DYNLT2: variants seen among roughly 807,000 people sequenced by gnomAD.
DYNLT2 encodes dynein light chain Tctex-type 2.
A neutral mutation model predicts 24.3 loss-of-function variants in DYNLT2; 24 were observed. The ratio of observed to expected loss-of-function variants is 0.99; its 90% CI spans 0.71 to 1.39. The LOEUF is 1.39. Among genes scored for constraint, DYNLT2 ranks in the 40% most tolerant of loss-of-function variants. The pLI, the probability that DYNLT2 is intolerant of heterozygous loss-of-function variation, is 0.00. For synonymous variants in DYNLT2, 85 were observed against 85.4 expected, an observed-to-expected ratio of 1.00 and a Z score of 0.03; for missense variants, 246 against 234.5, an observed-to-expected ratio of 1.05 and a Z score of -0.32.
intron 1 of DYNLT2, among the ~76,000 whole-genome samples, chr6:169,746,802 T>C (rs1195501488): frequency 2.6e-5 from 4 of 152,012 alleles, no homozygotes; most frequent in Non-Finnish European, 5.9e-5. Flanking sequence ...TGTAGTTGTA[T>C]GACTAGGTAT....
In DYNLT2 at chr6:169,751,480, C is replaced by T; in HGVS notation, c.-22G>A. The T allele has an allele frequency of 1.2e-6, 2 of 1,612,310 alleles. No individual in the cohort carries two copies. The highest frequency in any genetic ancestry group is 1.7e-6 in the Non-Finnish European group (2 of 1,179,216). On this transcript the variant is annotated 5_prime_UTR_variant, in exon 1 of 4. Coordinates refer to ENST00000366774, the MANE Select transcript of DYNLT2 (RefSeq NM_174910.3). ...CCATCTCGCTCTGTTCTCCAAGACG[C>T]CCACCGCCTCCCCTTCACCGCCGGC... is the stretch of plus-strand genomic sequence containing the variant.
At chr6:169,750,448 C>T (rs1789958989) in intron 1 of DYNLT2, 1 of 152,192 alleles carries the variant, frequency 6.6e-6, no homozygotes, top group Admixed American at 6.5e-5. Context: ...ACCAGGGAAA[C>T]AAGAACCTGA....
At chr6:169,730,264 G>C in the DYNLT2 span, among the ~76,000 whole-genome samples, 2 of 152,136 alleles carry the variant, frequency 1.3e-5, no homozygotes, top group Non-Finnish European at 1.5e-5. Context: ...CAGGAGTTGG[G>C]TGGGGATGAA....
At chr6:169,728,381 C>T in the DYNLT2 span, among the ~76,000 whole-genome samples, 3 of 152,104 alleles carry the variant, frequency 2.0e-5, no homozygotes, top group Non-Finnish European at 2.9e-5. Context: ...GAATAACTTG[C>T]TTGAAATAAA....
downstream of DYNLT2, among the ~76,000 whole-genome samples, chr6:169,736,944 C>T (rs1042930757): frequency 6.6e-6 from 1 of 151,294 alleles, no homozygotes; most frequent in Non-Finnish European, 1.5e-5. Flanking sequence ...TCTCCTTCTG[C>T]TACTCCAATC....
chr6:169,746,990 T>G (rs918153192), intron 1 of DYNLT2, among the ~76,000 whole-genome samples: 3 of 149,848 alleles, frequency 2.0e-5, no homozygotes, highest in African/African-American at 7.3e-5. Flanking sequence ...TGACCTCACT[T>G]TTTTCAGTTT....
intron 2 of DYNLT2, 43 bp from the exon 3 acceptor site, chr6:169,743,281 A>C: frequency 8.3e-7 from 1 of 1,207,504 alleles, no homozygotes; most frequent in Non-Finnish European, 1.1e-6. Context: ...TTCAAACCAA[A>C]TATTTTCTAT....
chr6:169,746,330 A>T (rs1789799719), intron 1 of DYNLT2, among the ~76,000 whole-genome samples: 1 of 151,850 alleles, frequency 6.6e-6, no homozygotes, highest in Non-Finnish European at 1.5e-5. Flanking sequence ...GGCTTATTTT[A>T]GCTCTTTCTT....
chr6:169,730,459 T>C, the DYNLT2 span, among the ~76,000 whole-genome samples: 244 of 152,198 alleles, frequency 1.6e-3, 1 homozygote, highest in African/African-American at 5.6e-3. Context: ...CATCAAAGAT[T>C]GAGAGGAAAA....
Position 169,744,167 on chromosome 6 carries a change from A to T in DYNLT2, c.228T>A (p.Ser76Arg). Residue 76 changes from serine (S) to arginine (R), a missense_variant, in exon 2 of 4, where the codon AGT becomes AGA. Transcript: ENST00000366774. ...SIADIGKEWK[S>R]ALAKLKFANS... ...TAGCAAACTTTAATTTTGCCAGGGC[A>T]CTCTTCCATTCTTTACCTATATCAG... 3.1e-6 allele frequency: 5 copies of T among 1,613,334 alleles called. No individual in the cohort carries two copies. The highest frequency in any genetic ancestry group is 4.2e-6 in the Non-Finnish European group (5 of 1,179,896).
the DYNLT2 span, among the ~76,000 whole-genome samples, chr6:169,728,282 A>T: frequency 4.7e-4 from 71 of 152,356 alleles, no homozygotes; most frequent in South Asian, 4.6e-3. Flanking sequence ...AAAAAAGCCA[A>T]TGAACTGGAG....
intron 1 of DYNLT2, among the ~76,000 whole-genome samples, chr6:169,744,638 T>A (rs960110106): frequency 2.6e-5 from 4 of 152,170 alleles, no homozygotes; most frequent in African/African-American, 9.7e-5. Context: ...AAAACCTTTC[T>A]TCCTCCCTAC....
At chr6:169,725,602 T>C in the DYNLT2 span, 1 of 330,622 alleles carries the variant, frequency 3.0e-6, no homozygotes, top group African/African-American at 2.1e-5. Flanking sequence ...TTCAGCTAAA[T>C]TCTTTTCACT....
rs765765046 is a variant in DYNLT2, at chr6:169,740,250, C to T, written c.532G>A (p.Ala178Thr). 53 of 1,613,860 alleles carry T rather than the reference C, an allele frequency of 3.3e-5. No individual in the cohort carries two copies. The highest frequency in any genetic ancestry group is 1.6e-4 in the Middle Eastern group (1 of 6,084). ...IWDIAWDSWV[A>T]AKHEAESYVA... is the part of the protein sequence containing the mutation. ...TAGGATTCTGCTTCGTGTTTAGCTG[C>T]GACCCAGCTGTCCCATGCAATGTCC... is the stretch of plus-strand genomic sequence containing the variant. Residue 178 changes from alanine to threonine, a missense_variant, in exon 4 of 4, where the codon GCA becomes ACA. Coordinates refer to ENST00000366774, the MANE Select transcript of DYNLT2 (RefSeq NM_174910.3).
chr6:169,750,513 A>T (rs1789966232), intron 1 of DYNLT2: 1 of 152,192 alleles, frequency 6.6e-6, no homozygotes, highest in African/African-American at 2.4e-5. Context: ...AAAATGTTTT[A>T]GGGTCTTCAA....
chr6:169,725,481 T>G, the DYNLT2 span: 1 of 397,044 alleles, frequency 2.5e-6, no homozygotes, highest in East Asian at 3.6e-5. Context: ...TAATCCAGCT[T>G]GGTTCTCTCA....
chr6:169,739,476 G>A (rs571052120), downstream of DYNLT2, among the ~76,000 whole-genome samples: 6 of 152,250 alleles, frequency 3.9e-5, no homozygotes, highest in Admixed American at 6.5e-5. Context: ...ATGAATGTAC[G>A]TGGAAGTCTG....
At chr6:169,749,541 T>G (rs1789895404) in intron 1 of DYNLT2, 2 of 152,252 alleles carry the variant, frequency 1.3e-5, no homozygotes, top group African/African-American at 4.8e-5. Flanking sequence ...ATTGGAAAGA[T>G]ACAGTTTACA....
the DYNLT2 span, among the ~76,000 whole-genome samples, chr6:169,734,267 C>T: frequency 1.3e-5 from 2 of 152,118 alleles, no homozygotes; most frequent in Non-Finnish European, 2.9e-5. Context: ...TATTTGAATA[C>T]CCTTTATTTC....
Sources: allele counts gnomAD v4.1 joint callset (sites outside exome capture counted in the v4.1 genomes callset), GRCh38; gene constraint gnomAD v4.1.1; transcripts MANE v1.5; gene names NCBI Gene and HGNC (gene_info 2026-07-23, HGNC 2026-07-21).